ARHGEF28: variants seen among roughly 807,000 people sequenced by gnomAD.
ARHGEF28 encodes the protein Rho guanine nucleotide exchange factor 28.
A neutral mutation model predicts 206.6 loss-of-function variants in ARHGEF28; 152 were observed. The observed-to-expected ratio is 0.74, with a 90% CI of 0.64 to 0.84. The LOEUF (loss-of-function observed/expected upper bound fraction) is 0.84. ARHGEF28 is among the 40% of genes least tolerant of loss of function. The pLI is 0.00. For synonymous variants in ARHGEF28, 763 were observed against 776.4 expected (o/e 0.98, Z 0.29); for missense variants, 2,028 against 2,073.2 (o/e 0.98, Z 0.42).
At chr5:73,638,932 ATATATT>A (rs1743889881) in intron 1 of ARHGEF28, among the ~76,000 whole-genome samples, 1 of 151,896 alleles carries the variant, frequency 6.6e-6, no homozygotes, top group East Asian at 1.9e-4. Context: ...TTCCCCACTG[ATATATT>A]TGCACAGTTC....
At chr5:73,865,710 T>A (rs1210025605) in intron 17 of ARHGEF28, among the ~76,000 whole-genome samples, 1 of 152,168 alleles carries the variant, frequency 6.6e-6, no homozygotes, top group African/African-American at 2.4e-5. Context: ...TGGTTTCTGT[T>A]CCCCTGAGGC....
intron 9 of ARHGEF28, chr5:73,813,747 GC>G: frequency 6.8e-7 from 1 of 1,470,722 alleles, no homozygotes; most frequent in Non-Finnish European, 9.2e-7. Flanking sequence ...GTGTTTCTTT[GC>G]CAGACTGTTT....
chr5:73,912,278 C>T (rs992215043), intron 35 of ARHGEF28, among the ~76,000 whole-genome samples: 5 of 152,066 alleles, frequency 3.3e-5, no homozygotes, highest in East Asian at 1.9e-4. Context: ...ACCTCTCTAC[C>T]GAAAAACAGA....
chr5:73,697,458 G>A (rs371890685), intron 2 of ARHGEF28, among the ~76,000 whole-genome samples: 1 of 152,194 alleles, frequency 6.6e-6, no homozygotes, highest in South Asian at 2.1e-4. Flanking sequence ...GTCCAAAGTT[G>A]AGGGGGCACG....
At chr5:73,658,419 A>C (rs1561314179) in intron 1 of ARHGEF28, among the ~76,000 whole-genome samples, 1 of 152,210 alleles carries the variant, frequency 6.6e-6, no homozygotes, top group Non-Finnish European at 1.5e-5. Context: ...CACACCAGAG[A>C]AGAAGGGACT....
At chr5:73,842,241 T>C (rs993453773) in intron 11 of ARHGEF28, among the ~76,000 whole-genome samples, 3 of 152,166 alleles carry the variant, frequency 2.0e-5, no homozygotes, top group African/African-American at 7.2e-5. Flanking sequence ...ATAAAATGAA[T>C]CAAAGTGAAC....
chr5:73,882,358 G>A lies in ARHGEF28; in HGVS notation c.2815-114G>A, dbSNP rs1761005895. ...AAGTGATTGTGTTCAGAAATTCCAT[G>A]ATATTTATTTTTTATTTGCAAATAC... is the stretch of plus-strand genomic sequence containing the variant. On this transcript the variant is annotated intron_variant, in intron 22 of 35. Coordinates refer to ENST00000513042, the MANE Select transcript of ARHGEF28 (RefSeq NM_001177693.2). 3 of 764,688 alleles carry A rather than the reference G, an allele frequency of 3.9e-6. No individual in the cohort carries two copies. The East Asian group carries it at 9.8e-5, about 25-fold the overall frequency. The allele number at this position is 764,688 out of a possible 1,614,324, so 47.4% of individuals were successfully genotyped here.
intron 20 of ARHGEF28, 22 bp downstream of exon 20, chr5:73,868,249 AT>A: frequency 6.5e-7 from 1 of 1,543,468 alleles, no homozygotes; most frequent in Non-Finnish European, 8.8e-7. Flanking sequence ...ACACACTTCC[AT>A]TTATTTGTGT....
chr5:73,846,160 T>C, intron 11 of ARHGEF28, 108 bp from the exon 12 acceptor site: 2 of 989,052 alleles, frequency 2.0e-6, no homozygotes, highest in Non-Finnish European at 3.0e-6. Context: ...GAATACCTAT[T>C]GCACCCCCCC....
chr5:73,795,824 A>C (rs1386931083), intron 9 of ARHGEF28, among the ~76,000 whole-genome samples: 2 of 151,954 alleles, frequency 1.3e-5, no homozygotes. Context: ...TTTGATGCCC[A>C]GTGGGGTCCC....
chr5:73,875,982 T>C (rs1422449633), intron 22 of ARHGEF28, among the ~76,000 whole-genome samples: 1 of 151,512 alleles, frequency 6.6e-6, no homozygotes, highest in Non-Finnish European at 1.5e-5. Context: ...TTGATGGGGA[T>C]GGCATTGAAT....
At chr5:73,884,847 A>G (rs1447139724) in intron 24 of ARHGEF28, among the ~76,000 whole-genome samples, 1 of 152,168 alleles carries the variant, frequency 6.6e-6, no homozygotes, top group Non-Finnish European at 1.5e-5. Context: ...GCAGGTAGCC[A>G]GTATTTTAAA....
At chr5:73,850,152 A>T (rs769124362) in intron 13 of ARHGEF28, among the ~76,000 whole-genome samples, 1 of 151,112 alleles carries the variant, frequency 6.6e-6, no homozygotes, top group Non-Finnish European at 1.5e-5. Flanking sequence ...TGAAACAGCT[A>T]TCCTAGAATA....
intron 22 of ARHGEF28, among the ~76,000 whole-genome samples, chr5:73,876,872 C>T (rs1202341071): frequency 6.8e-6 from 1 of 146,076 alleles, no homozygotes; most frequent in Non-Finnish European, 1.5e-5. Context: ...GGATATTGGT[C>T]TAAAATTCTC....
intron 29 of ARHGEF28, 85 bp downstream of exon 29, chr5:73,894,660 G>C: frequency 6.9e-7 from 1 of 1,458,440 alleles, no homozygotes; most frequent in Non-Finnish European, 9.2e-7. Flanking sequence ...CTGTGGTCTT[G>C]GTGCTGAGGA....
chr5:73,778,341 G>C (rs1434038452), intron 6 of ARHGEF28: 1 of 152,176 alleles, frequency 6.6e-6, no homozygotes, highest in African/African-American at 2.4e-5. Context: ...GGCTAGATTT[G>C]TGATTTCTCA....
intron 2 of ARHGEF28, among the ~76,000 whole-genome samples, chr5:73,741,379 GTGTGTGTATATATATATATATA>G (rs1751397167): frequency 1.4e-3 from 54 of 37,598 alleles, no homozygotes; most frequent in Non-Finnish European, 2.2e-3. Flanking sequence ...GTGTGTGTGT[GTGTGTGTATATATATATATATA>G]TATATATATA....
At position 73,773,807 on chromosome 5, in the gene ARHGEF28, A is replaced by G. The variant is rs369611003; in HGVS notation, c.476-48A>G. 2.2e-4 allele frequency: 320 copies of G among 1,482,654 alleles called. 2 individuals carry two copies. In the African/African-American group the frequency reaches 4.0e-3, roughly 19 times the overall value. 91.8% of individuals were successfully genotyped at this position (1,482,654 alleles called of 1,614,324 possible). A position where few individuals can be genotyped will look rare whatever the true frequency, so the allele number is the denominator to read the frequency against. On this transcript the variant is annotated intron_variant, in intron 4 of 35. Transcript: ENST00000513042. ...CCCTTTGATAAAATGTGTAAAACAA[A>G]CTTTGTAAATGGAGGAACTAATATG... is the stretch of plus-strand genomic sequence containing the variant.
chr5:73,882,488 C>T lies in ARHGEF28; in HGVS notation c.2831C>T (p.Ala944Val). Residue 944 changes from alanine to valine, a missense_variant, in exon 23 of 36, where the codon GCA becomes GTA. Transcript: ENST00000513042. ...TTCTTCCAGTTTTCAGAAGAAAATGCAAGTAAAATGAAGAAAATATATGGA... is the reference window on the plus strand; with the variant it reads ...TTCTTCCAGTTTTCAGAAGAAAATGTAAGTAAAATGAAGAAAATATATGGA... Reference protein sequence around the residue: ...ILVQQFSEENASKMKKIYGEF... With the variant: ...ILVQQFSEENVSKMKKIYGEF... The T allele has an allele frequency of 6.9e-7, 1 of 1,446,374 alleles. No homozygotes were observed. Among genetic ancestry groups the T allele is most frequent in the Non-Finnish European group, 9.3e-7 (1 of 1,080,398 alleles). 89.6% of individuals were successfully genotyped at this position (1,446,374 alleles called of 1,614,324 possible).
Sources: gnomAD v4.1 joint callset for allele counts (sites outside exome capture counted in the v4.1 genomes callset) on GRCh38, gnomAD v4.1.1 for gene constraint, MANE v1.5 for transcripts, NCBI Gene and HGNC (gene_info 2026-07-23, HGNC 2026-07-21) for gene names.